Variants in ERC1 observed in about 807,000 individuals in gnomAD.
ERC1 encodes the protein ELKS/RAB6-interacting/CAST family member 1, also known as RAB6 interacting protein 2.
In ERC1, 56 loss-of-function variants were observed where a neutral mutation model predicts 132.0. The observed-to-expected ratio is 0.42, with a 90% CI of 0.34 to 0.53. ERC1 has a LOEUF of 0.53. Among genes scored for constraint, ERC1 ranks in the 20% least tolerant of loss-of-function variants. The pLI is 0.03. For synonymous variants in ERC1, 478 were observed against 476.1 expected (o/e 1.00, Z -0.05); for missense variants, 1,202 against 1,349.9 (o/e 0.89, Z 1.72).
intron 15 of ERC1, among the ~76,000 whole-genome samples, chr12:1,335,652 T>A (rs2083249064): frequency 1.3e-5 from 2 of 152,196 alleles, no homozygotes; most frequent in Admixed American, 1.3e-4. Context: ...GATTTTGCAT[T>A]GACGTTCCTC....
chr12:1,058,587 G>T (rs1973436607), intron 2 of ERC1, among the ~76,000 whole-genome samples: 2 of 151,958 alleles, frequency 1.3e-5, no homozygotes, highest in Admixed American at 1.3e-4. Flanking sequence ...TGCTGTTTTG[G>T]TTACTATAGC....
At chr12:1,139,243 G>A (rs1247696332) in intron 7 of ERC1, among the ~76,000 whole-genome samples, 4 of 152,128 alleles carry the variant, frequency 2.6e-5, no homozygotes, top group Non-Finnish European at 4.4e-5. Flanking sequence ...CCACCCTGGA[G>A]GTGAATCTTC....
chr12:1,464,111 A>T (rs780286281), intron 18 of ERC1, among the ~76,000 whole-genome samples: 1 of 152,148 alleles, frequency 6.6e-6, no homozygotes, highest in Non-Finnish European at 1.5e-5. Flanking sequence ...AATGACACAG[A>T]TATTAAGTAT....
intron 15 of ERC1, among the ~76,000 whole-genome samples, chr12:1,295,254 T>C (rs954779412): frequency 1.3e-5 from 2 of 152,214 alleles, no homozygotes; most frequent in African/African-American, 4.8e-5. Flanking sequence ...TCACTCAGAT[T>C]CGAAAGGTCC....
chr12:1,365,085 A>G (rs150781005), intron 15 of ERC1, among the ~76,000 whole-genome samples: 54 of 152,318 alleles, frequency 3.5e-4, no homozygotes, highest in African/African-American at 1.2e-3. Flanking sequence ...TTAGATTAAC[A>G]TAGCCTTATA....
chr12:1,453,348 CAA>C (rs1432304914), intron 18 of ERC1, among the ~76,000 whole-genome samples: 1 of 152,190 alleles, frequency 6.6e-6, no homozygotes, highest in Non-Finnish European at 1.5e-5. Flanking sequence ...AATGTCAGCA[CAA>C]GAGGTAGGGT....
chr12:1,041,172 G>A (rs1314533655), intron 2 of ERC1, among the ~76,000 whole-genome samples: 1 of 150,112 alleles, frequency 6.7e-6, no homozygotes, highest in East Asian at 1.9e-4. Flanking sequence ...CATAAGTAAC[G>A]TTTTAAAATG....
At chr12:1,263,996 A>AG (rs1273992861) in intron 14 of ERC1, among the ~76,000 whole-genome samples, 2 of 152,094 alleles carry the variant, frequency 1.3e-5, no homozygotes, top group African/African-American at 4.8e-5. Context: ...GGCCAAAAAA[A>AG]AAAAGATACA....
chr12:1,439,940 A>G (rs1592068546), intron 17 of ERC1, among the ~76,000 whole-genome samples: 1 of 152,174 alleles, frequency 6.6e-6, no homozygotes, highest in Non-Finnish European at 1.5e-5. Flanking sequence ...CATGATTGAC[A>G]TGGTTCATGT....
intron 15 of ERC1, among the ~76,000 whole-genome samples, chr12:1,319,004 C>G (rs942168427): frequency 6.6e-6 from 1 of 152,068 alleles, no homozygotes; most frequent in Non-Finnish European, 1.5e-5. Context: ...AAAAGCATTT[C>G]CTCTGTGGGA....
chr12:1,161,663 C>T (rs1345928583), intron 8 of ERC1, among the ~76,000 whole-genome samples: 2 of 152,110 alleles, frequency 1.3e-5, no homozygotes, highest in Non-Finnish European at 1.5e-5. Context: ...AATTTATCTT[C>T]AGTGGGATAT....
intron 1 of ERC1, among the ~76,000 whole-genome samples, chr12:1,026,832 G>C (rs943729693): frequency 1.3e-5 from 2 of 152,132 alleles, no homozygotes; most frequent in African/African-American, 4.8e-5. Flanking sequence ...AAATTGTTTG[G>C]TTACTCTTGT....
At chr12:1,465,338 C>G (rs2093722966) in intron 18 of ERC1, among the ~76,000 whole-genome samples, 1 of 152,162 alleles carries the variant, frequency 6.6e-6, no homozygotes, top group Admixed American at 6.5e-5. Flanking sequence ...CAGTTTTCTT[C>G]CAAACTTTTA....
intron 8 of ERC1, among the ~76,000 whole-genome samples, chr12:1,171,934 G>T (rs753779006): frequency 6.6e-6 from 1 of 152,160 alleles, no homozygotes; most frequent in Non-Finnish European, 1.5e-5. Context: ...TGCCAATGTG[G>T]AATTAGTATG....
At chr12:1,059,590 T>A (rs1042411828) in intron 2 of ERC1, among the ~76,000 whole-genome samples, 12 of 152,234 alleles carry the variant, frequency 7.9e-5, no homozygotes, top group African/African-American at 2.9e-4. Context: ...TCTATTGAGA[T>A]AATCATATGG....
chr12:1,434,681 G>T (rs1279295403), intron 17 of ERC1, among the ~76,000 whole-genome samples: 1 of 152,164 alleles, frequency 6.6e-6, no homozygotes, highest in African/African-American at 2.4e-5. Context: ...AGAGCACGTG[G>T]GTCCTTCTTC....
At chr12:1,466,694 C>T (rs979992689) in intron 18 of ERC1, among the ~76,000 whole-genome samples, 2 of 152,274 alleles carry the variant, frequency 1.3e-5, no homozygotes, top group South Asian at 4.1e-4. Context: ...CCCTTAGGGG[C>T]CATTCAGGGT....
chr12:1,007,360 GCTGTGGAC>G (rs1186522094), intron 1 of ERC1, among the ~76,000 whole-genome samples: 1 of 152,112 alleles, frequency 6.6e-6, no homozygotes, highest in Non-Finnish European at 1.5e-5. Context: ...CAACTAGGAG[GCTGTGGAC>G]CTGTTCCCAC....
chr12:1,490,302 C>A lies in ERC1; in HGVS notation c.*72C>A. 1.3e-6 allele frequency: 2 copies of A among 1,492,900 alleles called. No individual in the cohort carries two copies. Among genetic ancestry groups the A allele is most frequent in the East Asian group, 2.3e-5 (1 of 43,394 alleles). The allele number at this position is 1,492,900 out of a possible 1,614,324, so 92.5% of individuals were successfully genotyped here. ...AAAGAGAACTACGAGGAACAGGTGC[C>A]CGGAACCTTCTTGGCACCAAACACT... is the stretch of plus-strand genomic sequence containing the variant. On this transcript the variant is annotated 3_prime_UTR_variant, in exon 19 of 19. Coordinates refer to ENST00000360905, the MANE Select transcript of ERC1 (RefSeq NM_178040.4).
Sources: gnomAD v4.1 joint callset for allele counts (sites outside exome capture counted in the v4.1 genomes callset) on GRCh38, gnomAD v4.1.1 for gene constraint, MANE v1.5 for transcripts, NCBI Gene and HGNC (gene_info 2026-07-23, HGNC 2026-07-21) for gene names.